The following LRRIQ1 variants were observed in gnomAD, a reference collection of about 807,000 sequenced individuals.
LRRIQ1 encodes the protein leucine rich repeats and IQ motif containing 1.
A neutral mutation model predicts 211.9 loss-of-function variants in LRRIQ1; 210 were observed. The observed-to-expected ratio is 0.99, with a 90% CI of 0.89 to 1.11. The LOEUF (loss-of-function observed/expected upper bound fraction) is 1.11. Among genes scored for constraint, LRRIQ1 ranks in the 50% most tolerant of loss-of-function variants. The pLI, the probability that LRRIQ1 is intolerant of heterozygous loss-of-function variation, is 0.00. For missense variants in LRRIQ1, 2,136 were observed against 1,939.5 expected, an observed-to-expected ratio of 1.10 and a Z score of -1.90; for synonymous variants, 699 against 650.1, an observed-to-expected ratio of 1.08 and a Z score of -1.14.
At chr12:85,239,327 A>C (rs947983985) in intron 26 of LRRIQ1, among the ~76,000 whole-genome samples, 1 of 150,848 alleles carries the variant, frequency 6.6e-6, no homozygotes, top group Non-Finnish European at 1.5e-5. Flanking sequence ...AAGACTTGCT[A>C]TCAATCCCCG....
chr12:85,062,472 T>C (rs1283136262), intron 8 of LRRIQ1, among the ~76,000 whole-genome samples: 1 of 151,920 alleles, frequency 6.6e-6, no homozygotes, highest in African/African-American at 2.4e-5. Context: ...GTTTCTGTGT[T>C]AGTTGGCTTG....
Position 85,085,292 on chromosome 12 carries a change from A to T in LRRIQ1, c.2887+12194A>T, listed in dbSNP as rs183009110. The stretch of plus-strand genomic sequence containing the variant: ...GAAACTTACAATCATGGTTAAAGTA[A>T]GCAAAGGAAGAACTTGCCAAATACT... On this transcript the variant is annotated intron_variant, in intron 11 of 26. Coordinates refer to ENST00000393217, the MANE Select transcript of LRRIQ1 (RefSeq NM_001079910.2). 2.7e-3 allele frequency among the ~76,000 whole-genome samples: 412 copies of T among 152,296 alleles called. 3 individuals are homozygous for T. The highest frequency in any genetic ancestry group is 3.6e-3 in the Non-Finnish European group (248 of 68,030).
intron 15 of LRRIQ1, among the ~76,000 whole-genome samples, chr12:85,111,045 T>TC (rs1887136377): frequency 6.6e-6 from 1 of 152,128 alleles, no homozygotes; most frequent in Admixed American, 6.6e-5. Flanking sequence ...AGGTTAGGCT[T>TC]CATAAAAAAT....
chr12:85,098,504 G>A lies in LRRIQ1; in HGVS notation c.3037G>A (p.Gly1013Arg), dbSNP rs1886092303. 1.2e-6 allele frequency: 2 copies of A among 1,609,748 alleles called. No individual in the cohort carries two copies. Among genetic ancestry groups the A allele is most frequent in the African/African-American group, 1.3e-5 (1 of 74,726 alleles). ...TGATGTAGAGGGCGTTGAAAATTGT[G>A]GATTGCTCCAAATATTGAAGTTACA... ...LTDVEGVENC[G>R]LLQILKLQGN... The change falls in exon 12 of 27, where the codon GGA becomes AGA. Residue 1013 changes from glycine (G) to arginine (R), a missense_variant. Coordinates refer to ENST00000393217, the MANE Select transcript of LRRIQ1 (RefSeq NM_001079910.2).
At chr12:85,193,139 A>AAT (rs1892693773) in intron 24 of LRRIQ1, among the ~76,000 whole-genome samples, 1 of 129,594 alleles carries the variant, frequency 7.7e-6, no homozygotes, top group African/African-American at 2.9e-5. Flanking sequence ...ATTTTTATAT[A>AAT]TGGGACCATA....
At chr12:85,111,022 C>A (rs1200241859) in intron 15 of LRRIQ1, among the ~76,000 whole-genome samples, 3 of 152,058 alleles carry the variant, frequency 2.0e-5, no homozygotes, top group African/African-American at 7.2e-5. Flanking sequence ...GTACTTATCT[C>A]ATAGGGTAAT....
intron 24 of LRRIQ1, among the ~76,000 whole-genome samples, chr12:85,164,122 C>T (rs1277724323): frequency 6.6e-6 from 1 of 152,194 alleles, no homozygotes; most frequent in Non-Finnish European, 1.5e-5. Context: ...ACTTGGATTT[C>T]AATATCCTAT....
At chr12:85,064,484 G>T (rs979623872) in intron 8 of LRRIQ1, among the ~76,000 whole-genome samples, 1 of 151,718 alleles carries the variant, frequency 6.6e-6, no homozygotes, top group Non-Finnish European at 1.5e-5. Flanking sequence ...TCTCCACTTT[G>T]TTGATTGTTT....
chr12:85,254,451 A>G (rs1008318234), intron 1 of LRRIQ1, among the ~76,000 whole-genome samples: 1 of 152,108 alleles, frequency 6.6e-6, no homozygotes, highest in East Asian at 1.9e-4. Flanking sequence ...TCTACACTGG[A>G]TGTTAGAAAC....
rs553877126 is a variant in LRRIQ1, at chr12:85,094,641, T to C, written c.2888-3714T>C. Among the ~76,000 whole-genome samples, 14 of 152,286 alleles carry C rather than the reference T, an allele frequency of 9.2e-5. No individual in the cohort carries two copies. In the South Asian group the frequency reaches 2.9e-3, roughly 32 times the overall value. On this transcript the variant is annotated intron_variant, in intron 11 of 26. Coordinates refer to ENST00000393217, the MANE Select transcript of LRRIQ1 (RefSeq NM_001079910.2). ...AATTTTAGAATAGTTTTTTTTCTAA[T>C]TCTATAAAAAATGATGTTGGTAGTT...
intron 17 of LRRIQ1, 112 bp downstream of exon 17, chr12:85,124,631 T>C: frequency 1.2e-6 from 1 of 802,628 alleles, no homozygotes; most frequent in East Asian, 2.6e-5. Context: ...CACAATCATA[T>C]TTCATACCGA....
intron 15 of LRRIQ1, among the ~76,000 whole-genome samples, chr12:85,110,907 A>G (rs527457475): frequency 3.1e-4 from 47 of 152,188 alleles, no homozygotes; most frequent in African/African-American, 1.1e-3. Flanking sequence ...TACTCTCTCT[A>G]TATATTACTT....
chr12:85,115,895 A>G (rs1252254971), intron 15 of LRRIQ1, among the ~76,000 whole-genome samples: 1 of 152,172 alleles, frequency 6.6e-6, no homozygotes, highest in Non-Finnish European at 1.5e-5. Context: ...AAATATTTAT[A>G]TTAGATTATT....
chr12:85,236,830 C>CATATATATCTAT lies in LRRIQ1; in HGVS notation c.5016+4082_5016+4083insCTATATATATAT, dbSNP rs1555228691. 2.2e-3 allele frequency among the ~76,000 whole-genome samples: 237 copies of CATATATATCTAT among 108,802 alleles called. 2 individuals are homozygous for CATATATATCTAT. The highest frequency in any genetic ancestry group is 0.01 in the African/African-American group (232 of 22,344). 71.4% of individuals were successfully genotyped at this position (108,802 alleles called of 152,430 possible). A position where few individuals can be genotyped will look rare whatever the true frequency, so the allele number is the denominator to read the frequency against. On this transcript the variant is annotated intron_variant, in intron 26 of 26. Transcript: ENST00000393217. ...CTGGATATATGTATGTGTATGTGTGCATATATATATATATATATATATATA... is the reference window on the plus strand; with the variant it reads ...CTGGATATATGTATGTGTATGTGTGCATATATATCTATATATATATATATATATATATATATA...
At chr12:85,179,769 A>G (rs929902611) in intron 24 of LRRIQ1, among the ~76,000 whole-genome samples, 2 of 151,894 alleles carry the variant, frequency 1.3e-5, no homozygotes, top group Non-Finnish European at 2.9e-5. Flanking sequence ...GATAAATGTC[A>G]TTTCATCTGC....
At chr12:85,244,646 G>A in intron 26 of LRRIQ1, 143 bp from the exon 27 acceptor site, 1 of 722,138 alleles carries the variant, frequency 1.4e-6, no homozygotes, top group South Asian at 1.8e-5. Context: ...TGTTCTGCCT[G>A]GGCAGCAATA....
intron 6 of LRRIQ1, chr12:85,047,939 G>GTTT: frequency 6.4e-6 from 1 of 156,034 alleles, no homozygotes; most frequent in African/African-American, 2.4e-5. Flanking sequence ...CAACTTTTTG[G>GTTT]TGTGAAGTTT....
intron 24 of LRRIQ1, among the ~76,000 whole-genome samples, chr12:85,211,326 T>C (rs887036691): frequency 6.6e-6 from 1 of 152,220 alleles, no homozygotes; most frequent in Non-Finnish European, 1.5e-5. Flanking sequence ...ACTTATTTAC[T>C]TTGTGAAATG....
chr12:85,257,303 A>G (rs780808217), intron 1 of LRRIQ1, among the ~76,000 whole-genome samples: 9 of 144,960 alleles, frequency 6.2e-5, no homozygotes, highest in Non-Finnish European at 1.4e-4. Flanking sequence ...TTGTTCTTTA[A>G]TTACAAATAT....
Sources: allele counts gnomAD v4.1 joint callset (sites outside exome capture counted in the v4.1 genomes callset), GRCh38; gene constraint gnomAD v4.1.1; transcripts MANE v1.5; gene names NCBI Gene and HGNC (gene_info 2026-07-23, HGNC 2026-07-21).